CNOT4: variants seen among roughly 807,000 people sequenced by gnomAD.
CNOT4 encodes CCR4-associated factor 4.
CNOT4 carries 8 observed loss-of-function variants against 73.8 expected under a neutral mutation model. That is an observed-to-expected ratio of 0.11 (90% CI 0.06 to 0.20). CNOT4 has a LOEUF of 0.20. Among genes scored for constraint, CNOT4 ranks in the 10% least tolerant of loss-of-function variants. The pLI, the probability that CNOT4 is intolerant of heterozygous loss-of-function variation, is 1.00. For missense variants in CNOT4, 564 were observed against 883.4 expected (o/e 0.64, Z 4.58); for synonymous variants, 293 against 321.1 (o/e 0.91, Z 0.94).
intron 1 of CNOT4, among the ~76,000 whole-genome samples, chr7:135,508,381 CTG>C (rs1804507907): frequency 1.3e-5 from 2 of 152,202 alleles, no homozygotes; most frequent in South Asian, 4.1e-4. Flanking sequence ...CTGCTTTTTA[CTG>C]TAGATAACAA....
chr7:135,381,447 T>G (rs913558579), intron 10 of CNOT4, among the ~76,000 whole-genome samples: 3 of 152,212 alleles, frequency 2.0e-5, no homozygotes, highest in African/African-American at 7.2e-5. Context: ...AAAGCAAATC[T>G]CCTAAGTGTC....
intron 10 of CNOT4, among the ~76,000 whole-genome samples, chr7:135,365,495 C>T (rs565938286): frequency 8.8e-6 from 1 of 113,076 alleles, no homozygotes; most frequent in African/African-American, 2.9e-5. Context: ...CCCTGAGAGG[C>T]AGGCAGACAA....
chr7:135,487,362 C>T (rs898075585), intron 1 of CNOT4, among the ~76,000 whole-genome samples: 4 of 152,006 alleles, frequency 2.6e-5, no homozygotes, highest in African/African-American at 9.7e-5. Flanking sequence ...CTCAGCCTCC[C>T]AAGTAGTGGT....
intron 1 of CNOT4, among the ~76,000 whole-genome samples, chr7:135,493,256 G>A (rs1803236173): frequency 6.6e-6 from 1 of 152,106 alleles, no homozygotes; most frequent in Non-Finnish European, 1.5e-5. Context: ...GCCTTGAACT[G>A]AGCTCAGGGA....
chr7:135,483,431 T>C (rs1353582632), intron 1 of CNOT4, among the ~76,000 whole-genome samples: 1 of 151,744 alleles, frequency 6.6e-6, no homozygotes, highest in East Asian at 1.9e-4. Context: ...GTTCAACATT[T>C]GAAAAATAAT....
At chr7:135,446,351 A>C (rs751891979) in intron 1 of CNOT4, among the ~76,000 whole-genome samples, 1 of 152,216 alleles carries the variant, frequency 6.6e-6, no homozygotes, top group Non-Finnish European at 1.5e-5. Context: ...GTGATAGTTA[A>C]ATAACAATGT....
intron 10 of CNOT4, chr7:135,387,065 G>T: frequency 1.0e-6 from 1 of 984,328 alleles, no homozygotes; most frequent in Non-Finnish European, 1.2e-6. Flanking sequence ...AGCTCCACAG[G>T]AGACATAAGT....
intron 1 of CNOT4, among the ~76,000 whole-genome samples, chr7:135,452,910 G>A (rs960096778): frequency 1.3e-5 from 2 of 152,154 alleles, no homozygotes; most frequent in Admixed American, 1.3e-4. Flanking sequence ...GCACAAAATC[G>A]AAGCTGAGAC....
chr7:135,478,179 C>T (rs2551762), intron 1 of CNOT4, among the ~76,000 whole-genome samples: 43,383 of 151,744 alleles, frequency 0.29, 6,475 homozygotes, highest in East Asian at 0.52. Flanking sequence ...TTTATTGTTC[C>T]AGTTGTTAGG....
intron 2 of CNOT4, among the ~76,000 whole-genome samples, chr7:135,423,538 T>G (rs554254018): frequency 1.3e-5 from 2 of 152,002 alleles, no homozygotes; most frequent in South Asian, 2.1e-4. Context: ...ATTAAGAAAG[T>G]GAGATTTCAC....
intron 1 of CNOT4, among the ~76,000 whole-genome samples, chr7:135,496,498 C>CCA (rs1450280635): frequency 6.6e-6 from 1 of 152,172 alleles, no homozygotes; most frequent in East Asian, 1.9e-4. Context: ...GACCCTCACA[C>CCA]CACCAAGCCA....
chr7:135,395,571 T>A (rs74840326), intron 9 of CNOT4, 63 bp downstream of exon 9: 2 of 1,514,906 alleles, frequency 1.3e-6, no homozygotes, highest in African/African-American at 2.8e-5. Flanking sequence ...ATGAGTTTCA[T>A]GTTAGTCTGT....
In CNOT4 at chr7:135,483,171, CA is replaced by C. The variant is rs201804748; in HGVS notation, c.-93+26717del. On this transcript the variant is annotated intron_variant, in intron 1 of 11. Transcript: ENST00000541284. ...GTAACATAGTGGAACCCCATCTCTA[CA>C]AAAAAATTTAAAAAAAAAAAAAAAA... Among the ~76,000 whole-genome samples the C allele has an allele frequency of 2.2e-3, 307 of 139,774 alleles. 11 individuals carry two copies. In the East Asian group the frequency reaches 0.054, roughly 24 times the overall value. The allele number at this position is 139,774 out of a possible 152,430, so 91.7% of individuals were successfully genotyped here. A position where few individuals can be genotyped will look rare whatever the true frequency, so the allele number is the denominator to read the frequency against.
chr7:135,497,974 C>T (rs1007787056), intron 1 of CNOT4, among the ~76,000 whole-genome samples: 2 of 152,162 alleles, frequency 1.3e-5, no homozygotes, highest in Admixed American at 6.5e-5. Flanking sequence ...TTAGACAAAG[C>T]GACGATGTGC....
intron 1 of CNOT4, among the ~76,000 whole-genome samples, chr7:135,475,754 C>A (rs553629967): frequency 3.3e-4 from 50 of 151,994 alleles, no homozygotes; most frequent in African/African-American, 8.7e-4. Context: ...TACACACACA[C>A]AAAAAAATCA....
chr7:135,498,651 T>C (rs1803754164), intron 1 of CNOT4, among the ~76,000 whole-genome samples: 1 of 152,102 alleles, frequency 6.6e-6, no homozygotes, highest in South Asian at 2.1e-4. Flanking sequence ...TAGGTTCAAG[T>C]GATTCTCCTG....
chr7:135,363,177 G>A lies in CNOT4; in HGVS notation c.1850C>T (p.Ala617Val), dbSNP rs890170003. ...TDPAIITGIP[A>V]SSGNSLDSLQ... ...AGAGTCTAAACTGTTTCCTGAAGAC[G>A]CTGGAATACCTAAGGAGAGAAAAGA... is the stretch of plus-strand genomic sequence containing the variant. The change falls in exon 12 of 12, where the codon GCG becomes GTG. Residue 617 changes from alanine to valine, a missense_variant. This residue lies in a region of CNOT4 where 53 missense variants were observed against 75.4 expected (regional missense o/e 0.70). Coordinates refer to ENST00000541284, the MANE Select transcript of CNOT4 (RefSeq NM_001190850.2). The surrounding 1 kb of genome is among the most constrained non-coding windows in gnomAD (Gnocchi z 4.3). The A allele has an allele frequency of 6.8e-6, 11 of 1,613,130 alleles. No individual in the cohort carries two copies. The highest frequency in any genetic ancestry group is 1.6e-4 in the Middle Eastern group (1 of 6,062).
At chr7:135,394,698 C>CCATT (rs1440354392) in intron 9 of CNOT4, among the ~76,000 whole-genome samples, 6 of 152,144 alleles carry the variant, frequency 3.9e-5, no homozygotes, top group Non-Finnish European at 7.3e-5. Context: ...ATACTCTCAA[C>CCATT]CATTCATAAT....
intron 7 of CNOT4, among the ~76,000 whole-genome samples, chr7:135,399,291 TA>T (rs1304136832): frequency 6.6e-6 from 1 of 152,120 alleles, no homozygotes; most frequent in Non-Finnish European, 1.5e-5. Flanking sequence ...CATGGTTTAC[TA>T]CACACTGAGG....
Sources: allele counts gnomAD v4.1 joint callset (sites outside exome capture counted in the v4.1 genomes callset), GRCh38; gene constraint gnomAD v4.1.1; regional missense constraint gnomAD v4.1.1; non-coding constraint Gnocchi (gnomAD v3.1); transcripts MANE v1.5; gene names NCBI Gene and HGNC (gene_info 2026-07-23, HGNC 2026-07-21).